SCFD2: variants seen among roughly 807,000 people sequenced by gnomAD.
SCFD2 encodes sec1 family domain containing 2, also known as sec1 family domain-containing protein 2.
A neutral mutation model predicts 58.9 loss-of-function variants in SCFD2; 54 were observed. The ratio of observed to expected loss-of-function variants is 0.92; its 90% CI spans 0.74 to 1.15. The LOEUF (loss-of-function observed/expected upper bound fraction) is 1.15, where lower values mean the gene tolerates loss of function less well. Among genes scored for constraint, SCFD2 ranks in the 50% most tolerant of loss-of-function variants. The probability of loss-of-function intolerance (pLI) is 0.00; values close to 1 mark genes in which losing one functional copy is unlikely to be tolerated. For synonymous variants in SCFD2, 321 were observed against 335.9 expected (o/e 0.96, Z 0.49); for missense variants, 805 against 836.6 (o/e 0.96, Z 0.47).
intron 5 of SCFD2, among the ~76,000 whole-genome samples, chr4:53,080,022 T>C (rs1724094737): frequency 6.6e-6 from 1 of 152,174 alleles, no homozygotes; most frequent in African/African-American, 2.4e-5. Context: ...TATAGACAGA[T>C]GGTAAGAATT....
intron 5 of SCFD2, among the ~76,000 whole-genome samples, chr4:53,030,246 G>A (rs1722582477): frequency 6.6e-6 from 1 of 151,996 alleles, no homozygotes; most frequent in African/African-American, 2.4e-5. Context: ...AGTCATTAGG[G>A]AAATGAAAAT....
At chr4:53,252,453 C>T (rs1471041694) in intron 4 of SCFD2, among the ~76,000 whole-genome samples, 2 of 151,440 alleles carry the variant, frequency 1.3e-5, no homozygotes, top group African/African-American at 4.9e-5. Context: ...AGGAACAAAG[C>T]TGGAGGCATC....
chr4:52,903,596 C>T (rs561190107), intron 7 of SCFD2, among the ~76,000 whole-genome samples: 29 of 152,258 alleles, frequency 1.9e-4, no homozygotes, highest in African/African-American at 5.5e-4. Context: ...AGGTGCCGAC[C>T]GCTGAGGATG....
At chr4:53,255,648 A>G (rs2149046268) in intron 4 of SCFD2, among the ~76,000 whole-genome samples, 1 of 152,278 alleles carries the variant, frequency 6.6e-6, no homozygotes, top group Admixed American at 6.5e-5. Context: ...CGATTTCTCA[A>G]TCTTTTCCCC....
At chr4:53,053,157 G>A (rs1412704520) in intron 5 of SCFD2, among the ~76,000 whole-genome samples, 3 of 151,608 alleles carry the variant, frequency 2.0e-5, no homozygotes, top group Admixed American at 1.3e-4. Flanking sequence ...CCCAGGAGGC[G>A]GAGGTTGCAG....
At chr4:53,305,590 AAT>A (rs1283416284) in intron 3 of SCFD2, among the ~76,000 whole-genome samples, 3 of 152,214 alleles carry the variant, frequency 2.0e-5, no homozygotes, top group Non-Finnish European at 4.4e-5. Flanking sequence ...TGTTTTAGAA[AAT>A]ATAGTTATTT....
chr4:52,979,178 C>T (rs1380286722), intron 5 of SCFD2, among the ~76,000 whole-genome samples: 3 of 151,974 alleles, frequency 2.0e-5, no homozygotes, highest in African/African-American at 7.2e-5. Context: ...GGAGGCTTTT[C>T]CCAAGGGACT....
At chr4:52,985,487 T>G (rs1358927811) in intron 5 of SCFD2, among the ~76,000 whole-genome samples, 1 of 152,106 alleles carries the variant, frequency 6.6e-6, no homozygotes, top group Non-Finnish European at 1.5e-5. Context: ...AATATCATCT[T>G]TGTATCTTTG....
At chr4:53,217,812 T>C (rs1297094580) in intron 4 of SCFD2, among the ~76,000 whole-genome samples, 2 of 152,202 alleles carry the variant, frequency 1.3e-5, no homozygotes, top group Non-Finnish European at 2.9e-5. Flanking sequence ...AGTGCTTCCT[T>C]CAGGAGCTCT....
chr4:53,180,869 A>C (rs1039425572), intron 4 of SCFD2, among the ~76,000 whole-genome samples: 21 of 152,216 alleles, frequency 1.4e-4, no homozygotes, highest in African/African-American at 5.1e-4. Context: ...AGAACACTAT[A>C]AACACCTCTA....
intron 5 of SCFD2, among the ~76,000 whole-genome samples, chr4:53,078,351 T>C (rs1009234422): frequency 1.3e-5 from 2 of 152,162 alleles, no homozygotes; most frequent in African/African-American, 4.8e-5. Flanking sequence ...AAAGCATTCA[T>C]AGGCAAGAAA....
chr4:53,258,538 GTATATATATATATA>G (rs59321045), intron 4 of SCFD2, among the ~76,000 whole-genome samples: 5,197 of 119,876 alleles, frequency 0.043, 371 homozygotes, highest in African/African-American at 0.13. Context: ...TGGTGTGTGT[GTATATATATATATA>G]TATATATATA....
chr4:52,891,325 G>T (rs995323701), intron 7 of SCFD2, among the ~76,000 whole-genome samples: 9 of 152,198 alleles, frequency 5.9e-5, no homozygotes, highest in African/African-American at 2.2e-4. Flanking sequence ...AGTGGAGGGA[G>T]AGTGACAGTC....
intron 5 of SCFD2, among the ~76,000 whole-genome samples, chr4:53,006,018 G>T (rs529415599): frequency 2.0e-5 from 3 of 152,066 alleles, no homozygotes; most frequent in African/African-American, 7.2e-5. Context: ...CTCCCTCCCC[G>T]ACTCCTGACG....
At chr4:53,160,963 C>T (rs935865664) in intron 4 of SCFD2, among the ~76,000 whole-genome samples, 3 of 152,102 alleles carry the variant, frequency 2.0e-5, no homozygotes, top group African/African-American at 4.8e-5. Flanking sequence ...GGTATATTCA[C>T]ACAATGGAAT....
In SCFD2 at chr4:53,100,114, C is replaced by T. The variant is rs187187809; in HGVS notation, c.1561+45219G>A. 1.9e-4 allele frequency among the ~76,000 whole-genome samples: 29 copies of T among 152,284 alleles called. No individual in the cohort carries two copies. The East Asian group carries it at 5.0e-3, about 26-fold the overall frequency. On this transcript the variant is annotated intron_variant, in intron 5 of 8. Transcript: ENST00000401642. ...ATAATAATAGCAATCTGTTGCTTGT[C>T]ATGTTAGTAATCTTAGCCTTCACTT... is the stretch of plus-strand genomic sequence containing the variant.
intron 5 of SCFD2, among the ~76,000 whole-genome samples, chr4:52,974,445 T>A (rs1318783716): frequency 1.3e-5 from 2 of 152,096 alleles, no homozygotes; most frequent in Non-Finnish European, 2.9e-5. Context: ...ATAAAATACC[T>A]AGAATCCAAC....
chr4:53,363,916 A>T (rs748073140), intron 1 of SCFD2, among the ~76,000 whole-genome samples: 6 of 152,108 alleles, frequency 3.9e-5, no homozygotes, highest in Non-Finnish European at 5.9e-5. Context: ...TTTGCCTAAC[A>T]GAAGTCTTAG....
At chr4:53,177,736 G>A (rs1727387476) in intron 4 of SCFD2, among the ~76,000 whole-genome samples, 1 of 152,170 alleles carries the variant, frequency 6.6e-6, no homozygotes, top group South Asian at 2.1e-4. Context: ...AAGGGGTCAG[G>A]GAATTCCCTT....
Sources: gnomAD v4.1 joint callset for allele counts (sites outside exome capture counted in the v4.1 genomes callset) on GRCh38, gnomAD v4.1.1 for gene constraint, MANE v1.5 for transcripts, NCBI Gene and HGNC (gene_info 2026-07-23, HGNC 2026-07-21) for gene names.